Variants in STX2 observed in about 807,000 individuals in gnomAD.
STX2 encodes the protein syntaxin-2.
In STX2, 27 loss-of-function variants were observed where a neutral mutation model predicts 40.6. That is an observed-to-expected ratio of 0.66 (90% confidence interval 0.49 to 0.92). STX2 has a LOEUF of 0.92. Among genes scored for constraint, STX2 ranks in the 40% least tolerant of loss-of-function variants. The probability of loss-of-function intolerance (pLI) is 0.00; values close to 1 mark genes in which losing one functional copy is unlikely to be tolerated. For synonymous variants in STX2, 123 were observed against 119.1 expected, an observed-to-expected ratio of 1.03 and a Z score of -0.22; for missense variants, 328 against 366.1, an observed-to-expected ratio of 0.90 and a Z score of 0.85.
At chr12:130,805,720 A>T (rs1053655616) in intron 6 of STX2, among the ~76,000 whole-genome samples, 2 of 152,238 alleles carry the variant, frequency 1.3e-5, no homozygotes, top group African/African-American at 4.8e-5. Flanking sequence ...AACCATGCTC[A>T]TGTGATTTAA....
chr12:130,806,758 A>T (rs907137891), intron 6 of STX2, among the ~76,000 whole-genome samples: 1 of 152,232 alleles, frequency 6.6e-6, no homozygotes, highest in African/African-American at 2.4e-5. Context: ...AAACTCTAAA[A>T]GCAACAGCAA....
chr12:130,801,938 T>A (rs1007908646), intron 6 of STX2, among the ~76,000 whole-genome samples: 4 of 152,224 alleles, frequency 2.6e-5, no homozygotes, highest in African/African-American at 9.6e-5. Flanking sequence ...GTTAAATGTG[T>A]AATGACTTCG....
Position 130,798,606 on chromosome 12 carries a change from ATTTC to A in STX2, c.701_704del (p.Arg234MetfsTer3), listed in dbSNP as rs749450966. ...CTACATAGTCTGTGGCATTCATAACATTTCTTTCTATGTTGTTGATCATTTCACC... is the reference window on the plus strand; with the variant it reads ...CTACATAGTCTGTGGCATTCATAACATTTCTATGTTGTTGATCATTTCACC... On this transcript the variant is annotated frameshift_variant, in exon 9 of 11. Coordinates refer to ENST00000392373, the MANE Select transcript of STX2 (RefSeq NM_194356.4). LOFTEE classifies it high-confidence loss of function. 22 of 1,599,056 alleles carry A rather than the reference ATTTC, an allele frequency of 1.4e-5. No individual in the cohort carries two copies. The highest frequency in any genetic ancestry group is 2.3e-5 in the South Asian group (2 of 87,518).
chr12:130,815,605 C>T (rs149433047), intron 3 of STX2, among the ~76,000 whole-genome samples: 5 of 152,338 alleles, frequency 3.3e-5, no homozygotes, highest in African/African-American at 7.2e-5. Flanking sequence ...GCCGTGTCAC[C>T]GCTCTGCATG....
At position 130,807,240 on chromosome 12, in the gene STX2, C is replaced by T; in HGVS notation, c.355-150G>A. On this transcript the variant is annotated intron_variant, in intron 5 of 10. Transcript: ENST00000392373. ...AATGGCAAAGTCCCCATGGCAGCAT[C>T]TGTGCTAAGAACTTTGCATGCATGA... 4.1e-6 allele frequency: 3 copies of T among 738,536 alleles called. No homozygotes were observed. The South Asian group carries it at 5.2e-5, about 13-fold the overall frequency. 45.7% of individuals were successfully genotyped at this position (738,536 alleles called of 1,614,324 possible).
chr12:130,803,279 T>A (rs557114905), intron 6 of STX2, among the ~76,000 whole-genome samples: 5 of 152,112 alleles, frequency 3.3e-5, no homozygotes, highest in Admixed American at 6.6e-5. Flanking sequence ...GGTGGAAGGA[T>A]TGCTTGAGGC....
intron 3 of STX2, among the ~76,000 whole-genome samples, chr12:130,814,618 T>A (rs1167160837): frequency 7.0e-6 from 1 of 143,758 alleles, no homozygotes; most frequent in Non-Finnish European, 1.5e-5. Flanking sequence ...CAAAGATGCA[T>A]TAGAAAGACT....
chr12:130,793,923 C>G (rs924701699), intron 10 of STX2, among the ~76,000 whole-genome samples: 2 of 152,204 alleles, frequency 1.3e-5, no homozygotes, highest in Non-Finnish European at 2.9e-5. Flanking sequence ...GAATGAGGAT[C>G]CTTCTATGTT....
chr12:130,833,488 G>A (rs893271357), intron 1 of STX2, among the ~76,000 whole-genome samples: 6 of 145,858 alleles, frequency 4.1e-5, no homozygotes, highest in Non-Finnish European at 8.9e-5. Flanking sequence ...TTGGCTTACT[G>A]CAACCTCCAC....
intron 3 of STX2, among the ~76,000 whole-genome samples, chr12:130,820,561 G>A (rs1952072478): frequency 6.6e-6 from 1 of 152,092 alleles, no homozygotes; most frequent in Non-Finnish European, 1.5e-5. Context: ...AGCTACTCAG[G>A]AGGCCAAGGC....
rs773202147 is a variant in STX2 at position 130,821,807 on chromosome 12, C to CA, written c.106-20dup. On this transcript the variant is annotated intron_variant, in intron 2 of 10. Transcript: ENST00000392373. ...CCTCCACCTAGGAGAGAGAGAGAGT[C>CA]ATTACAGCATGGCAAACTCAAATCT... 1 of 1,501,852 alleles carries CA rather than the reference C, an allele frequency of 6.7e-7. No homozygotes were observed. The allele number at this position is 1,501,852 out of a possible 1,614,324, so 93.0% of individuals were successfully genotyped here.
chr12:130,821,809 T>C lies in STX2; in HGVS notation c.106-21A>G, dbSNP rs773140951. On this transcript the variant is annotated intron_variant, in intron 2 of 10. Transcript: ENST00000392373. The stretch of plus-strand genomic sequence containing the variant: ...TCCACCTAGGAGAGAGAGAGAGTCA[T>C]TACAGCATGGCAAACTCAAATCTGT... 8 of 1,513,982 alleles carry C rather than the reference T, an allele frequency of 5.3e-6. No individual in the cohort carries two copies. The East Asian group carries it at 1.6e-4, about 30-fold the overall frequency. The allele number at this position is 1,513,982 out of a possible 1,614,324, so 93.8% of individuals were successfully genotyped here. A position where few individuals can be genotyped will look rare whatever the true frequency, so the allele number is the denominator to read the frequency against.
At chr12:130,835,016 C>G (rs1311258196) in intron 1 of STX2, among the ~76,000 whole-genome samples, 1 of 152,192 alleles carries the variant, frequency 6.6e-6, no homozygotes, top group Admixed American at 6.5e-5. Context: ...AGGCCAGGCA[C>G]GGTGGCTCAC....
rs60003050 is a variant in STX2 at position 130,831,866 on chromosome 12, A to AT, written c.31-4600dup. The stretch of plus-strand genomic sequence containing the variant: ...ATGTAAATAGTATTACACTTCTGCA[A>AT]TTTTTTTTTTTTTTTTTTTTTGGAA... On this transcript the variant is annotated intron_variant, in intron 1 of 10. Coordinates refer to ENST00000392373, the MANE Select transcript of STX2 (RefSeq NM_194356.4). Among the ~76,000 whole-genome samples, 359 of 106,584 alleles carry AT rather than the reference A, an allele frequency of 3.4e-3. 1 individual carries two copies. The highest frequency in any genetic ancestry group is 7.3e-3 in the African/African-American group (229 of 31,310). 69.9% of individuals were successfully genotyped at this position (106,584 alleles called of 152,430 possible).
chr12:130,823,977 G>T (rs1490628075), intron 2 of STX2, among the ~76,000 whole-genome samples: 1 of 152,212 alleles, frequency 6.6e-6, no homozygotes. Flanking sequence ...AAATGGCAAT[G>T]ATCATCTTAG....
At chr12:130,801,334 T>A in intron 7 of STX2, 44 bp from the exon 8 acceptor site, 1 of 1,600,140 alleles carries the variant, frequency 6.2e-7, no homozygotes, top group Non-Finnish European at 8.5e-7. Flanking sequence ...AAACTTATGA[T>A]GGGTTTGGAA....
At chr12:130,827,343 A>T in intron 1 of STX2, 76 bp from the exon 2 acceptor site, 4 of 1,135,276 alleles carry the variant, frequency 3.5e-6, no homozygotes, top group Non-Finnish European at 5.3e-6. Flanking sequence ...ATACAAAAAC[A>T]GTTCAATACC....
chr12:130,838,667 G>C (rs1380639568), intron 1 of STX2, among the ~76,000 whole-genome samples: 1 of 152,208 alleles, frequency 6.6e-6, no homozygotes, highest in African/African-American at 2.4e-5. Flanking sequence ...CCCGTGGGGC[G>C]GACCACAGTT....
At chr12:130,829,912 C>T (rs1952492415) in intron 1 of STX2, among the ~76,000 whole-genome samples, 1 of 152,226 alleles carries the variant, frequency 6.6e-6, no homozygotes, top group South Asian at 2.1e-4. Context: ...CATAAAAGTG[C>T]TTCACCCCAC....
Sources: gnomAD v4.1 joint callset for allele counts (sites outside exome capture counted in the v4.1 genomes callset) on GRCh38, gnomAD v4.1.1 for gene constraint, MANE v1.5 for transcripts, NCBI Gene and HGNC (gene_info 2026-07-23, HGNC 2026-07-21) for gene names.